TGFBR3: variants seen among roughly 807,000 people sequenced by gnomAD.
The protein encoded by TGFBR3 is transforming growth factor beta receptor type 3.
TGFBR3 carries 46 observed loss-of-function variants against 87.9 expected under a neutral mutation model. The ratio of observed to expected loss-of-function variants is 0.52; its 90% CI spans 0.41 to 0.67. TGFBR3 has a LOEUF of 0.67. TGFBR3 is among the 30% of genes least tolerant of loss of function. The pLI is 0.00. For synonymous variants in TGFBR3, 381 were observed against 391.6 expected (o/e 0.97, Z 0.32); for missense variants, 866 against 1,041.9 (o/e 0.83, Z 2.32).
upstream of TGFBR3, among the ~76,000 whole-genome samples, chr1:91,886,891 G>T (rs1315869543): frequency 1.3e-5 from 2 of 152,128 alleles, no homozygotes; most frequent in East Asian, 3.9e-4. Flanking sequence ...CAGTCTCGGC[G>T]GGGCAACGTC....
At chr1:91,701,669 T>C (rs1167723848) in intron 14 of TGFBR3, among the ~76,000 whole-genome samples, 1 of 152,200 alleles carries the variant, frequency 6.6e-6, no homozygotes, top group Non-Finnish European at 1.5e-5. Flanking sequence ...TATGCATGAG[T>C]AACTGACCAC....
At chr1:91,754,717 C>T (rs1673677991) in intron 4 of TGFBR3, among the ~76,000 whole-genome samples, 1 of 152,114 alleles carries the variant, frequency 6.6e-6, no homozygotes, top group Non-Finnish European at 1.5e-5. Flanking sequence ...TTTCAGTCAC[C>T]CTCAAGGGTG....
intron 16 of TGFBR3, among the ~76,000 whole-genome samples, chr1:91,689,601 C>T (rs1671203468): frequency 6.6e-6 from 1 of 152,126 alleles, no homozygotes; most frequent in Non-Finnish European, 1.5e-5. Flanking sequence ...TGTTTATTAT[C>T]TGATAAGCAG....
intron 12 of TGFBR3, among the ~76,000 whole-genome samples, chr1:91,714,108 G>A (rs1337210479): frequency 6.6e-6 from 1 of 151,596 alleles, no homozygotes; most frequent in African/African-American, 2.4e-5. Context: ...GAAGGACTAC[G>A]GGCTTTGTAG....
chr1:91,747,487 T>C (rs1673386651), intron 4 of TGFBR3, among the ~76,000 whole-genome samples: 1 of 152,144 alleles, frequency 6.6e-6, no homozygotes, highest in African/African-American at 2.4e-5. Flanking sequence ...AGGAACGGAA[T>C]GGAAGGGACA....
chr1:91,779,242 T>C (rs1456673372), intron 3 of TGFBR3, among the ~76,000 whole-genome samples: 7 of 152,218 alleles, frequency 4.6e-5, no homozygotes, highest in Non-Finnish European at 7.3e-5. Flanking sequence ...CTAACAATGA[T>C]AGCAGCTGAC....
chr1:91,838,266 T>G (rs191674625), intron 2 of TGFBR3, among the ~76,000 whole-genome samples: 22 of 152,342 alleles, frequency 1.4e-4, no homozygotes. Context: ...AAAGAGATTT[T>G]GTTAATATAA....
In TGFBR3 at chr1:91,818,277, C is replaced by CTTTTTTTTTTT. The variant is rs1557726893; in HGVS notation, c.62-20807_62-20806insAAAAAAAAAAA. Among the ~76,000 whole-genome samples the CTTTTTTTTTTT allele has an allele frequency of 1.6e-5, 2 of 123,142 alleles. 1 individual carries two copies. The highest frequency in any genetic ancestry group is 3.4e-5 in the Non-Finnish European group (2 of 59,522). 80.8% of individuals were successfully genotyped at this position (123,142 alleles called of 152,430 possible). A position where few individuals can be genotyped will look rare whatever the true frequency, so the allele number is the denominator to read the frequency against. ...CTGCACCATTTCCCCTTAGCCCCAG[C>CTTTTTTTTTTT]CTTTTTTTTTTTTTTTTTTTTTTTT... On this transcript the variant is annotated intron_variant, in intron 2 of 16. Transcript: ENST00000212355.
intron 16 of TGFBR3, among the ~76,000 whole-genome samples, chr1:91,690,900 T>C (rs1671240444): frequency 6.6e-6 from 1 of 152,152 alleles, no homozygotes; most frequent in African/African-American, 2.4e-5. Flanking sequence ...AGCTTAGAAT[T>C]TCCTCATTCT....
At chr1:91,813,522 C>T (rs1676099540) in intron 2 of TGFBR3, among the ~76,000 whole-genome samples, 1 of 152,202 alleles carries the variant, frequency 6.6e-6, no homozygotes, top group South Asian at 2.1e-4. Flanking sequence ...ATAATTTGCA[C>T]ATTTTTTCCA....
At chr1:91,793,307 T>A (rs1005191274) in intron 3 of TGFBR3, among the ~76,000 whole-genome samples, 12 of 152,162 alleles carry the variant, frequency 7.9e-5, no homozygotes, top group African/African-American at 2.7e-4. Context: ...TTATAATAGA[T>A]CTTGATACTG....
chr1:91,861,862 T>TTC, intron 1 of TGFBR3: 1 of 321,372 alleles, frequency 3.1e-6, no homozygotes, highest in Non-Finnish European at 5.8e-6. Flanking sequence ...ATTGGCTTTT[T>TTC]TTTTTTTTTT....
At chr1:91,702,805 G>T (rs1671667940) in intron 14 of TGFBR3, among the ~76,000 whole-genome samples, 1 of 152,220 alleles carries the variant, frequency 6.6e-6, no homozygotes, top group Non-Finnish European at 1.5e-5. Context: ...AGCACTTTGG[G>T]AAGCCGATGC....
At chr1:91,786,960 G>A (rs113315940) in intron 3 of TGFBR3, among the ~76,000 whole-genome samples, 18 of 152,158 alleles carry the variant, frequency 1.2e-4, no homozygotes, top group African/African-American at 4.1e-4. Flanking sequence ...TACCTATACC[G>A]GCCCTAAGTG....
Position 91,846,769 on chromosome 1 carries a change from A to G in TGFBR3, c.61+14702T>C, listed in dbSNP as rs1571568073. Among the ~76,000 whole-genome samples, 7 of 152,144 alleles carry G rather than the reference A, an allele frequency of 4.6e-5. 1 individual carries two copies. Among genetic ancestry groups the G allele is most frequent in the Admixed American group, 4.6e-4 (7 of 15,268 alleles). The stretch of plus-strand genomic sequence containing the variant: ...ATCTCAAAATGTCCTTCTTCCAATC[A>G]AAGAGTCCTTGCATAATCCAAGATT... On this transcript the variant is annotated intron_variant, in intron 2 of 16. Coordinates refer to ENST00000212355, the MANE Select transcript of TGFBR3 (RefSeq NM_003243.5).
At chr1:91,753,533 T>C (rs970952636) in intron 4 of TGFBR3, among the ~76,000 whole-genome samples, 1 of 152,158 alleles carries the variant, frequency 6.6e-6, no homozygotes, top group Non-Finnish European at 1.5e-5. Flanking sequence ...TGTGGTATAT[T>C]CACCACTATG....
chr1:91,796,594 A>G (rs543923156), intron 3 of TGFBR3, among the ~76,000 whole-genome samples: 3 of 152,362 alleles, frequency 2.0e-5, no homozygotes, highest in South Asian at 2.1e-4. Flanking sequence ...TGCAGAAGCA[A>G]TAAGTTCATA....
At chr1:91,859,995 C>T (rs890548218) in intron 2 of TGFBR3, among the ~76,000 whole-genome samples, 1 of 151,944 alleles carries the variant, frequency 6.6e-6, no homozygotes, top group African/African-American at 2.4e-5. Context: ...CTGACTCTCG[C>T]TTAGTCTACG....
At chr1:91,730,497 C>T (rs907614294) in intron 5 of TGFBR3, among the ~76,000 whole-genome samples, 3 of 152,130 alleles carry the variant, frequency 2.0e-5, no homozygotes, top group African/African-American at 7.2e-5. Context: ...CAACCTGTAC[C>T]TAGATCATGA....
Sources: allele counts gnomAD v4.1 joint callset (sites outside exome capture counted in the v4.1 genomes callset), GRCh38; gene constraint gnomAD v4.1.1; transcripts MANE v1.5; gene names NCBI Gene and HGNC (gene_info 2026-07-23, HGNC 2026-07-21).